CDCA7L: variants seen among roughly 807,000 people sequenced by gnomAD.
CDCA7L encodes cell division cycle-associated 7-like protein.
A neutral mutation model predicts 57.4 loss-of-function variants in CDCA7L; 44 were observed. The ratio of observed to expected loss-of-function variants is 0.77; its 90% CI spans 0.60 to 0.98. The LOEUF is 0.98. CDCA7L is among the 50% of genes least tolerant of loss of function. CDCA7L has a pLI of 0.00. For synonymous variants in CDCA7L, 236 were observed against 202.8 expected, an observed-to-expected ratio of 1.16 and a Z score of -1.39; for missense variants, 644 against 580.6, an observed-to-expected ratio of 1.11 and a Z score of -1.12.
chr7:21,906,070 A>G (rs1268707427), intron 6 of CDCA7L, among the ~76,000 whole-genome samples: 1 of 152,194 alleles, frequency 6.6e-6, no homozygotes, highest in Non-Finnish European at 1.5e-5. Flanking sequence ...GGCTTGGATA[A>G]AAGACTCTCT....
chr7:21,901,952 C>CTGTT lies in CDCA7L; in HGVS notation c.*366_*369dup, dbSNP rs1445415262. The stretch of plus-strand genomic sequence containing the variant: ...GGCACACTTGGCCTGGAGTGAGTTA[C>CTGTT]TGTTTGGGAAGCCAAAGATAGATAG... On this transcript the variant is annotated 3_prime_UTR_variant, in exon 10 of 10. Transcript: ENST00000406877. The CTGTT allele has an allele frequency of 4.5e-6, 1 of 221,984 alleles. No individual in the cohort carries two copies. Among genetic ancestry groups the CTGTT allele is most frequent in the Non-Finnish European group, 8.5e-6 (1 of 117,464 alleles). The allele number at this position is 221,984 out of a possible 1,614,324, so 13.8% of individuals were successfully genotyped here. A position where few individuals can be genotyped will look rare whatever the true frequency, so the allele number is the denominator to read the frequency against.
intron 3 of CDCA7L, among the ~76,000 whole-genome samples, chr7:21,908,986 C>G (rs971097020): frequency 2.1e-4 from 32 of 152,298 alleles, no homozygotes; most frequent in Admixed American, 2.0e-3. Context: ...GACTGCACCT[C>G]AGGGCAGTGA....
At chr7:21,906,725 T>C in intron 4 of CDCA7L, 86 bp from the exon 5 acceptor site, 3 of 1,323,484 alleles carry the variant, frequency 2.3e-6, no homozygotes, top group Non-Finnish European at 3.3e-6. Flanking sequence ...TCTTCCATTT[T>C]GCCACCATAA....
chr7:21,937,521 C>T (rs1786207575), intron 1 of CDCA7L, among the ~76,000 whole-genome samples: 1 of 151,970 alleles, frequency 6.6e-6, no homozygotes, highest in South Asian at 2.1e-4. Context: ...GCCTGTAGTC[C>T]CGGCTACTCG....
intron 3 of CDCA7L, among the ~76,000 whole-genome samples, chr7:21,910,122 T>C (rs62445920): frequency 0.016 from 2,429 of 152,276 alleles, 25 homozygotes; most frequent in African/African-American, 0.038. Flanking sequence ...AGGGAAGACT[T>C]CTGGGGTAAT....
intron 9 of CDCA7L, 102 bp downstream of exon 9, chr7:21,902,876 A>G: frequency 9.4e-7 from 1 of 1,069,070 alleles, no homozygotes. Flanking sequence ...TTATATAAGT[A>G]AGTAAGTCAC....
intron 8 of CDCA7L, among the ~76,000 whole-genome samples, chr7:21,903,584 C>T (rs1055168206): frequency 6.6e-6 from 1 of 152,194 alleles, no homozygotes; most frequent in African/African-American, 2.4e-5. Context: ...CACTCGGGAG[C>T]AGGACTGCCC....
intron 1 of CDCA7L, among the ~76,000 whole-genome samples, chr7:21,929,526 T>C (rs1273273533): frequency 6.9e-6 from 1 of 145,170 alleles, no homozygotes; most frequent in Non-Finnish European, 1.5e-5. Flanking sequence ...GGATAAAGAG[T>C]CAAGACCCAT....
Position 21,906,363 on chromosome 7 carries a change from G to A in CDCA7L, c.847C>T (p.Leu283=), listed in dbSNP as rs1171427431. 10 of 1,613,734 alleles carry A rather than the reference G, an allele frequency of 6.2e-6. No individual in the cohort carries two copies. Among genetic ancestry groups the A allele is most frequent in the South Asian group, 1.1e-5 (1 of 91,044 alleles). The change falls in exon 6 of 10, where the codon CTA becomes TTA. Residue 283 remains leucine, a synonymous_variant. Coordinates refer to ENST00000406877, the MANE Select transcript of CDCA7L (RefSeq NM_018719.5). The stretch of plus-strand genomic sequence containing the variant: ...GCGGCTGAGACAGTGAAGTTCTCTA[G>A]AGCAAACTTCTCAGGAGGCCGCGCA... ...RSARPPEKFA[L]ENFTVSAAKF... is the part of the protein sequence containing the mutation.
At chr7:21,903,288 C>A (rs1040548614) in intron 8 of CDCA7L, among the ~76,000 whole-genome samples, 174 bp from the exon 9 acceptor site, 1 of 152,146 alleles carries the variant, frequency 6.6e-6, no homozygotes, top group East Asian at 1.9e-4. Flanking sequence ...AATCACCCCA[C>A]GTCACATGCA....
At chr7:21,944,449 C>CAACAAAAAAAAAAAAAAAAAAAAA (rs1786444890) in intron 1 of CDCA7L, among the ~76,000 whole-genome samples, 1 of 61,658 alleles carries the variant, frequency 1.6e-5, no homozygotes, top group African/African-American at 9.0e-5. Context: ...ACTCCGTCTC[C>CAACAAAAAAAAAAAAAAAAAAAAA]AAAAAAAAAA....
chr7:21,904,495 G>A (rs373355806), intron 7 of CDCA7L, among the ~76,000 whole-genome samples: 183 of 150,980 alleles, frequency 1.2e-3, no homozygotes, highest in African/African-American at 3.6e-3. Context: ...AGTGAGCAGC[G>A]GACGGGCGAG....
rs899938502 is a variant in CDCA7L, at chr7:21,902,855, G to T, written c.1334+123C>A. The T allele has an allele frequency of 9.9e-6, 8 of 809,018 alleles. 2 individuals carry two copies. In the Admixed American group the frequency reaches 1.6e-4, roughly 16 times the overall value. The allele number at this position is 809,018 out of a possible 1,614,324, so 50.1% of individuals were successfully genotyped here. A position where few individuals can be genotyped will look rare whatever the true frequency, so the allele number is the denominator to read the frequency against. ...AATGCAAACAGATACAGAATGGATG[G>T]TACTCGTGGTTTATATAAGTAAGTA... On this transcript the variant is annotated intron_variant, in intron 9 of 9. Coordinates refer to ENST00000406877, the MANE Select transcript of CDCA7L (RefSeq NM_018719.5).
intron 7 of CDCA7L, 82 bp downstream of exon 7, chr7:21,905,424 C>CTGAT (rs1785108793): frequency 6.8e-7 from 1 of 1,476,908 alleles, no homozygotes; most frequent in South Asian, 1.2e-5. Flanking sequence ...GGCATAAGCC[C>CTGAT]TGATAGAGTT....
intron 2 of CDCA7L, 80 bp downstream of exon 2, chr7:21,916,674 C>G (rs1391172004): frequency 4.6e-6 from 6 of 1,297,552 alleles, no homozygotes; most frequent in Non-Finnish European, 1.1e-6. Context: ...CAATCTCACA[C>G]CATGTTCAAA....
intron 2 of CDCA7L, among the ~76,000 whole-genome samples, chr7:21,912,762 C>T (rs1034408115): frequency 6.6e-6 from 1 of 152,162 alleles, no homozygotes; most frequent in Non-Finnish European, 1.5e-5. Flanking sequence ...GAATTTCTCT[C>T]GTGCAGGAGG....
At chr7:21,923,046 C>A (rs568933637) in intron 1 of CDCA7L, among the ~76,000 whole-genome samples, 2 of 152,252 alleles carry the variant, frequency 1.3e-5, no homozygotes, top group Admixed American at 6.5e-5. Context: ...TTAATGGATA[C>A]AGATTCAGCT....
rs114694338 is a variant in CDCA7L at position 21,900,989 on chromosome 7, G to T, written c.*1333C>A. On this transcript the variant is annotated 3_prime_UTR_variant, in exon 10 of 10. Coordinates refer to ENST00000406877, the MANE Select transcript of CDCA7L (RefSeq NM_018719.5). The stretch of plus-strand genomic sequence containing the variant: ...AGCAAGCTGCCACACAATTGCAACC[G>T]CTGTGTTTTTGCCATAGGCGCCCGC... 6.4e-7 allele frequency: 1 copy of T among 1,559,828 alleles called. No individual in the cohort carries two copies. Among genetic ancestry groups the T allele is most frequent in the South Asian group, 1.2e-5 (1 of 81,726 alleles).
intron 8 of CDCA7L, among the ~76,000 whole-genome samples, chr7:21,903,338 A>AAATT (rs1355313126): frequency 2.0e-5 from 3 of 152,118 alleles, no homozygotes; most frequent in Admixed American, 6.5e-5. Context: ...CCTTGCTTAA[A>AAATT]AATTATGGAG....
Sources: gnomAD v4.1 joint callset for allele counts (sites outside exome capture counted in the v4.1 genomes callset) on GRCh38, gnomAD v4.1.1 for gene constraint, MANE v1.5 for transcripts, NCBI Gene and HGNC (gene_info 2026-07-23, HGNC 2026-07-21) for gene names.